SLC35B1: variants seen among roughly 807,000 people sequenced by gnomAD.
SLC35B1 encodes ATP/ADP exchanger ER.
A neutral mutation model predicts 36.6 loss-of-function variants in SLC35B1; 27 were observed. The ratio of observed to expected loss-of-function variants is 0.74; its 90% CI spans 0.54 to 1.02. The LOEUF is 1.02. Among genes scored for constraint, SLC35B1 ranks in the 50% least tolerant of loss-of-function variants. SLC35B1 has a pLI of 0.00. For synonymous variants in SLC35B1, 162 were observed against 152.5 expected (o/e 1.06, Z -0.46); for missense variants, 321 against 383.2 (o/e 0.84, Z 1.35).
In SLC35B1 at chr17:49,705,259, G is replaced by A. The variant is rs758975086; in HGVS notation, c.393C>T (p.Leu131=). 2 of 1,614,192 alleles carry A rather than the reference G, an allele frequency of 1.2e-6. No individual in the cohort carries two copies. The highest frequency in any genetic ancestry group is 4.5e-5 in the East Asian group (2 of 44,890). Residue 131 remains leucine (L), a synonymous_variant, in exon 5 of 9, where the codon CTC becomes CTT. Transcript: ENST00000240333. ...TGGCCAACGGGTACTTCTTCTTCAAGAGGGTCACCCCAAGGAGCATGACTA... is the reference window on the plus strand; with the variant it reads ...TGGCCAACGGGTACTTCTTCTTCAAAAGGGTCACCCCAAGGAGCATGACTA... ...PIPVMLLGVT[L]LKKKYPLAKY...
Position 49,707,724 on chromosome 17 carries a change from G to A in SLC35B1, c.104+6C>T. The A allele has an allele frequency of 1.2e-6, 2 of 1,610,850 alleles. No individual in the cohort carries two copies. The highest frequency in any genetic ancestry group is 1.3e-5 in the African/African-American group (1 of 74,968). ...AGACTGTCGGCCCGCCCCCGGGGTC[G>A]CTCACATCTTTTCCTGCAGGATCCC... On this transcript the variant is annotated splice_donor_region_variant and intron_variant, in intron 1 of 8. Transcript: ENST00000240333.
At chr17:49,706,761 A>G (rs1320014939) in intron 2 of SLC35B1, among the ~76,000 whole-genome samples, 1 of 152,254 alleles carries the variant, frequency 6.6e-6, no homozygotes, top group African/African-American at 2.4e-5. Context: ...TTTCTAACTC[A>G]GAAGCTGATA....
At position 49,703,006 on chromosome 17, in the gene SLC35B1, G is replaced by A. The variant is rs1320857820; in HGVS notation, c.768C>T (p.Phe256=). ...FGLTSALGQS[F]IFMTVVYFGP... ...CAAAATACACAACCGTCATAAAGAT[G>A]AAGCTCTAGAGAAAGATAAAGGTGA... Residue 256 remains phenylalanine, a synonymous_variant, in exon 8 of 9, where the codon TTC becomes TTT. Transcript: ENST00000240333. 6.2e-7 allele frequency: 1 copy of A among 1,614,116 alleles called. No homozygotes were observed. Among genetic ancestry groups the A allele is most frequent in the Admixed American group, 1.7e-5 (1 of 60,012 alleles).
At position 49,701,324 on chromosome 17, in the gene SLC35B1, T is replaced by G; in HGVS notation, c.*134A>C. The G allele has an allele frequency of 1.4e-6, 1 of 692,928 alleles. No individual in the cohort carries two copies. Among genetic ancestry groups the G allele is most frequent in the Non-Finnish European group, 2.5e-6 (1 of 404,428 alleles). 42.9% of individuals were successfully genotyped at this position (692,928 alleles called of 1,614,324 possible). A position where few individuals can be genotyped will look rare whatever the true frequency, so the allele number is the denominator to read the frequency against. ...CAAGTGCATTTTTTAGAATATGTGA[T>G]TTTGCTTGATTTTATTTTATTAAAA... On this transcript the variant is annotated 3_prime_UTR_variant, in exon 9 of 9. Coordinates refer to ENST00000240333, the MANE Select transcript of SLC35B1 (RefSeq NM_005827.4).
At chr17:49,706,457 G>T in intron 2 of SLC35B1, 123 bp from the exon 3 acceptor site, 1 of 924,048 alleles carries the variant, frequency 1.1e-6, no homozygotes, top group Non-Finnish European at 1.5e-6. Context: ...AAAGGAACTT[G>T]TCTGTCAAAC....
chr17:49,702,626 G>A (rs781182212), intron 8 of SLC35B1: 6 of 448,674 alleles, frequency 1.3e-5, no homozygotes, highest in African/African-American at 3.9e-5. Context: ...TAGCTACTCC[G>A]GATGCTGAGG....
At chr17:49,705,420 G>C (rs2073403840) in intron 4 of SLC35B1, 139 bp from the exon 5 acceptor site, 6 of 868,860 alleles carry the variant, frequency 6.9e-6, no homozygotes, top group Non-Finnish European at 1.0e-5. Context: ...GACAAAAGGA[G>C]GGTGCCAGGC....
At chr17:49,706,153 T>C in intron 3 of SLC35B1, 51 bp downstream of exon 3, 2 of 1,531,794 alleles carry the variant, frequency 1.3e-6, no homozygotes, top group Non-Finnish European at 1.8e-6. Context: ...GAACTCTTAG[T>C]CCTTTTCAAA....
chr17:49,707,996 C>A, upstream of SLC35B1: 1 of 1,464,480 alleles, frequency 6.8e-7, no homozygotes, highest in Non-Finnish European at 9.3e-7. Flanking sequence ...ACTACCAGAA[C>A]TGCCGGCTCA....
At chr17:49,706,563 G>T (rs996507824) in intron 2 of SLC35B1, among the ~76,000 whole-genome samples, 13 of 152,142 alleles carry the variant, frequency 8.5e-5, no homozygotes, top group Non-Finnish European at 2.9e-5. Flanking sequence ...ACCACATGCA[G>T]GGTGGAGGTG....
upstream of SLC35B1, chr17:49,708,175 C>T (rs16948337): frequency 2.6e-4 from 170 of 663,682 alleles, 3 homozygotes; most frequent in East Asian, 4.2e-3. Context: ...ACAACTGCGA[C>T]CCAGAGCACC....
At chr17:49,702,017 C>T in intron 8 of SLC35B1, 2 of 262,520 alleles carry the variant, frequency 7.6e-6, no homozygotes, top group South Asian at 3.3e-5. Context: ...CACTTGAGTC[C>T]AGGAGATCAA....
In SLC35B1 at chr17:49,705,908, T is replaced by A. The variant is rs1410516402; in HGVS notation, c.340-12A>T. On this transcript the variant is annotated splice_polypyrimidine_tract_variant and intron_variant, in intron 3 of 8. Transcript: ENST00000240333. ...GATTTACCAAGGACCTGAAATTAAA[T>A]CCAGCAAATAATTTCTGAGCATCTG... is the stretch of plus-strand genomic sequence containing the variant. 4 of 1,613,828 alleles carry A rather than the reference T, an allele frequency of 2.5e-6. No homozygotes were observed. The Admixed American group carries it at 6.7e-5, about 27-fold the overall frequency.
At chr17:49,707,276 C>A (rs117656266) in intron 1 of SLC35B1, 2 of 1,463,570 alleles carry the variant, frequency 1.4e-6, no homozygotes, top group East Asian at 2.7e-5. Context: ...GATTCCAAAG[C>A]CTAAGAAAAG....
intron 7 of SLC35B1, 30 bp from the exon 8 acceptor site, chr17:49,703,041 G>T (rs747972912): frequency 6.2e-7 from 1 of 1,613,440 alleles, no homozygotes; most frequent in Admixed American, 1.7e-5. Flanking sequence ...AGGTCCGGTG[G>T]GCTTCTGGGT....
At chr17:49,703,676 T>G (rs2073380459) in intron 6 of SLC35B1, 1 of 329,680 alleles carries the variant, frequency 3.0e-6, no homozygotes, top group Admixed American at 4.3e-5. Context: ...CCCAGTGTGC[T>G]GTATAAAAAA....
At chr17:49,704,862 G>T (rs2073396115) in intron 5 of SLC35B1, among the ~76,000 whole-genome samples, 1 of 152,104 alleles carries the variant, frequency 6.6e-6, no homozygotes, top group African/African-American at 2.4e-5. Flanking sequence ...TTGCTCTCAG[G>T]TCTCTGTGAC....
At chr17:49,704,431 G>T (rs2073391585) in intron 5 of SLC35B1, among the ~76,000 whole-genome samples, 2 of 130,612 alleles carry the variant, frequency 1.5e-5, no homozygotes, top group African/African-American at 3.0e-5. Flanking sequence ...CCCACGCACT[G>T]GACTGACAGG....
chr17:49,702,902 G>T lies in SLC35B1; in HGVS notation c.872C>A (p.Pro291His), dbSNP rs2073368518. 1 of 1,614,032 alleles carries T rather than the reference G, an allele frequency of 6.2e-7. No homozygotes were observed. Among genetic ancestry groups the T allele is most frequent in the African/African-American group, 1.3e-5 (1 of 74,924 alleles). Residue 291 changes from proline to histidine, a missense_variant, in exon 8 of 9, where the codon CCC becomes CAC. Transcript: ENST00000240333. ...ILASVILFAN[P>H]ISPMQWVGTV... ...GCCCACCCACTGCATGGGGCTGATG[G>T]GATTGGCGAAGAGGATCACAGAGGC...
Sources: gnomAD v4.1 joint callset for allele counts (sites outside exome capture counted in the v4.1 genomes callset) on GRCh38, gnomAD v4.1.1 for gene constraint, MANE v1.5 for transcripts, NCBI Gene and HGNC (gene_info 2026-07-23, HGNC 2026-07-21) for gene names.